Variants in PCDHGB1 observed in about 807,000 individuals in gnomAD.
The protein encoded by PCDHGB1 is protocadherin gamma-B1.
In PCDHGB1, 34 loss-of-function variants were observed where a neutral mutation model predicts 56.6. That is an observed-to-expected ratio of 0.60 (90% confidence interval 0.46 to 0.80). The LOEUF is 0.80. PCDHGB1 is among the 30% of genes least tolerant of loss of function. PCDHGB1 has a pLI of 0.00. For synonymous variants in PCDHGB1, 561 were observed against 505.9 expected (o/e 1.11, Z -1.46); for missense variants, 1,278 against 1,204.6 (o/e 1.06, Z -0.90).
chr5:141,497,122 G>A (rs1407489807), intron 2 of PCDHGB1, among the ~76,000 whole-genome samples: 1 of 151,992 alleles, frequency 6.6e-6, no homozygotes, highest in East Asian at 1.9e-4. Flanking sequence ...GAAGGCAGAG[G>A]TTGCAGTGAG....
intron 1 of PCDHGB1, chr5:141,374,602 T>A (rs747550525): frequency 9.9e-6 from 16 of 1,613,534 alleles, no homozygotes; most frequent in Non-Finnish European, 1.3e-5. Flanking sequence ...TTAAGCTCAG[T>A]GGTAATAGTC....
chr5:141,483,786 C>T (rs2099587125), intron 1 of PCDHGB1, among the ~76,000 whole-genome samples: 1 of 152,136 alleles, frequency 6.6e-6, no homozygotes, highest in African/African-American at 2.4e-5. Context: ...AGGATAAGAA[C>T]TCCAGTTGTT....
chr5:141,399,753 G>T (rs1418820057), intron 1 of PCDHGB1: 8 of 1,613,370 alleles, frequency 5.0e-6, no homozygotes, highest in Non-Finnish European at 6.8e-6. Context: ...GCGCAAACGT[G>T]AGCCTGCGCG....
intron 1 of PCDHGB1, chr5:141,372,751 C>A (rs775212888): frequency 3.7e-6 from 6 of 1,613,192 alleles, no homozygotes; most frequent in Non-Finnish European, 4.2e-6. Flanking sequence ...GATGAAGCCT[C>A]TTGGTTTGAA....
chr5:141,436,220 T>C (rs1179034537), intron 1 of PCDHGB1, among the ~76,000 whole-genome samples: 2 of 152,096 alleles, frequency 1.3e-5, no homozygotes, highest in Non-Finnish European at 2.9e-5. Flanking sequence ...ACAAATGACT[T>C]GGGAAACTAA....
intron 1 of PCDHGB1, chr5:141,433,358 C>CCTATCTATCTATCTATCTATCTAT: frequency 9.9e-6 from 5 of 503,368 alleles, no homozygotes; most frequent in South Asian, 2.6e-5. Flanking sequence ...CTACTGTCTG[C>CCTATCTATCTATCTATCTATCTAT]CTATCTATCT....
chr5:141,421,953 G>A lies in PCDHGB1; in HGVS notation c.2409+69284G>A, dbSNP rs193141134. On this transcript the variant is annotated intron_variant, in intron 1 of 3. Coordinates refer to ENST00000523390, the MANE Select transcript of PCDHGB1 (RefSeq NM_018922.3). ...TCGATGTAAATGATCACATCCCAATGTTTACACAGTCCGTATATCGCGTGA... is the reference window on the plus strand; with the variant it reads ...TCGATGTAAATGATCACATCCCAATATTTACACAGTCCGTATATCGCGTGA... 1.8e-4 allele frequency: 295 copies of A among 1,612,962 alleles called. 5 individuals are homozygous for A. In the East Asian group the frequency reaches 4.0e-3, roughly 22 times the overall value.
At chr5:141,392,809 C>T in intron 1 of PCDHGB1, 1 of 1,578,772 alleles carries the variant, frequency 6.3e-7, no homozygotes, top group African/African-American at 1.4e-5. Flanking sequence ...TGCAGCAAAA[C>T]AACAATGGCC....
chr5:141,390,187 G>T, intron 1 of PCDHGB1: 1 of 1,614,040 alleles, frequency 6.2e-7, no homozygotes, highest in Non-Finnish European at 8.5e-7. Flanking sequence ...CTAAAATGTA[G>T]TGAGCAGTTG....
At chr5:141,501,809 A>G (rs2099811165) in intron 2 of PCDHGB1, among the ~76,000 whole-genome samples, 1 of 152,176 alleles carries the variant, frequency 6.6e-6, no homozygotes, top group African/African-American at 2.4e-5. Flanking sequence ...ACCCAGCTTC[A>G]CATAATTGGC....
intron 1 of PCDHGB1, chr5:141,415,317 G>T (rs778236674): frequency 6.2e-7 from 1 of 1,614,218 alleles, no homozygotes; most frequent in Non-Finnish European, 8.5e-7. Flanking sequence ...TCGTCATCGT[G>T]CTGCTGGCGC....
chr5:141,414,576 G>A, intron 1 of PCDHGB1: 1 of 1,613,898 alleles, frequency 6.2e-7, no homozygotes, highest in Non-Finnish European at 8.5e-7. Context: ...ATATCCCAGA[G>A]AACAACGCCA....
In PCDHGB1 at chr5:141,364,605, G is replaced by A. The variant is rs1380468665; in HGVS notation, c.2409+11936G>A. On this transcript the variant is annotated intron_variant, in intron 1 of 3. Coordinates refer to ENST00000523390, the MANE Select transcript of PCDHGB1 (RefSeq NM_018922.3). Reference sequence around the variant, plus strand: ...TTGGTCACCGCGGGCAGGATAGACCGGGAGGAGCTCTGCGCTCAGAGCCCA... The same window carrying A: ...TTGGTCACCGCGGGCAGGATAGACCAGGAGGAGCTCTGCGCTCAGAGCCCA... 6 of 1,614,186 alleles carry A rather than the reference G, an allele frequency of 3.7e-6. No individual in the cohort carries two copies. Among genetic ancestry groups the A allele is most frequent in the Middle Eastern group, 1.6e-4 (1 of 6,062 alleles).
intron 1 of PCDHGB1, chr5:141,479,521 T>C (rs4912607): frequency 0.2 from 30,680 of 152,154 alleles, 3,215 homozygotes; most frequent in Admixed American, 0.29. Flanking sequence ...CTGGCCCAGG[T>C]TGGAAGTGGA....
intron 1 of PCDHGB1, chr5:141,362,513 A>T: frequency 3.1e-6 from 5 of 1,613,982 alleles, no homozygotes; most frequent in Non-Finnish European, 4.2e-6. Context: ...AATACAAATC[A>T]TGGAGCCGCT....
intron 1 of PCDHGB1, chr5:141,421,347 C>G: frequency 6.2e-7 from 1 of 1,613,948 alleles, no homozygotes; most frequent in Non-Finnish European, 8.5e-7. Flanking sequence ...CAGAAGAGAC[C>G]GAAAAGGGCT....
rs542248328 is a variant in PCDHGB1, at chr5:141,432,682, C to T, written c.2410-62125C>T. ...TGGACAGAGACGCGCTCAAGCAGAG[C>T]CTCGTAGTGGCCGTCCAGGACCACG... On this transcript the variant is annotated intron_variant, in intron 1 of 3. Coordinates refer to ENST00000523390, the MANE Select transcript of PCDHGB1 (RefSeq NM_018922.3). This position sits in a 1 kb window ranked among gnomAD's most constrained non-coding sequence, Gnocchi z 6.0. The T allele has an allele frequency of 6.5e-5, 105 of 1,613,976 alleles. No homozygotes were observed. In the African/African-American group the frequency reaches 1.1e-3, roughly 17 times the overall value.
At chr5:141,492,468 G>A (rs927514972) in intron 1 of PCDHGB1, among the ~76,000 whole-genome samples, 1 of 152,232 alleles carries the variant, frequency 6.6e-6, no homozygotes, top group Admixed American at 6.5e-5. Flanking sequence ...GAGGGTCCCA[G>A]ATCGCGGCCG....
intron 1 of PCDHGB1, chr5:141,366,212 A>C: frequency 6.2e-7 from 1 of 1,613,804 alleles, no homozygotes; most frequent in African/African-American, 1.3e-5. Context: ...CGAGGTGCGC[A>C]CAGCGCGAGC....
Sources: allele counts gnomAD v4.1 joint callset (sites outside exome capture counted in the v4.1 genomes callset), GRCh38; gene constraint gnomAD v4.1.1; non-coding constraint Gnocchi (gnomAD v3.1); transcripts MANE v1.5; gene names NCBI Gene and HGNC (gene_info 2026-07-23, HGNC 2026-07-21).